Variants in ERC2 observed in about 807,000 individuals in gnomAD.
ERC2 encodes ERC protein 2.
ERC2 carries 42 observed loss-of-function variants against 114.8 expected under a neutral mutation model. The observed-to-expected ratio is 0.37, with a 90% confidence interval of 0.29 to 0.47. The LOEUF is 0.47. ERC2 is among the 20% of genes least tolerant of loss of function. The probability of loss-of-function intolerance (pLI) is 0.99; values close to 1 mark genes in which losing one functional copy is unlikely to be tolerated. For synonymous variants in ERC2, 454 were observed against 425.5 expected, an observed-to-expected ratio of 1.07 and a Z score of -0.82; for missense variants, 939 against 1,150.7, an observed-to-expected ratio of 0.82 and a Z score of 2.66.
chr3:56,003,023 T>C (rs956665157), intron 10 of ERC2: 2 of 1,098,344 alleles, frequency 1.8e-6, no homozygotes, highest in Non-Finnish European at 2.5e-6. Flanking sequence ...CTCCCCAGTA[T>C]GGCACACCGT....
At chr3:55,897,908 T>C (rs75547021) in intron 13 of ERC2, among the ~76,000 whole-genome samples, 3 of 152,290 alleles carry the variant, frequency 2.0e-5, no homozygotes, top group African/African-American at 4.8e-5. Context: ...TTTCTCCTCA[T>C]TGAAGTTTAA....
intron 6 of ERC2, among the ~76,000 whole-genome samples, chr3:56,134,619 A>G (rs2080389946): frequency 6.6e-6 from 1 of 151,956 alleles, no homozygotes; most frequent in South Asian, 2.1e-4. Context: ...TGTGTTGATT[A>G]TATTTTTTAG....
chr3:55,678,359 C>T (rs1186184447), intron 17 of ERC2, among the ~76,000 whole-genome samples: 1 of 152,120 alleles, frequency 6.6e-6, no homozygotes, highest in Non-Finnish European at 1.5e-5. Flanking sequence ...TCATGTTGTA[C>T]CCCTTAACTG....
At chr3:55,857,369 TCTCTCC>T (rs998341381) in intron 14 of ERC2, among the ~76,000 whole-genome samples, 2 of 152,128 alleles carry the variant, frequency 1.3e-5, no homozygotes, top group Admixed American at 6.5e-5. Context: ...TCTGTCTTTG[TCTCTCC>T]CTCTCCCTCT....
At position 56,299,841 on chromosome 3, in the gene ERC2, A is replaced by G. The variant is rs184168380; in HGVS notation, c.658-3406T>C. On this transcript the variant is annotated intron_variant, in intron 2 of 17. Coordinates refer to ENST00000288221, the MANE Select transcript of ERC2 (RefSeq NM_015576.3). ...AAACATCATGAATTGGGATGATCAC[A>G]AAGGAAATGATCTTTTCTGAGCATA... 1.3e-3 allele frequency among the ~76,000 whole-genome samples: 204 copies of G among 152,318 alleles called. 3 individuals carry two copies. The highest frequency in any genetic ancestry group is 4.5e-3 in the African/African-American group (185 of 41,562).
intron 17 of ERC2, among the ~76,000 whole-genome samples, chr3:55,616,109 C>T (rs889974986): frequency 6.6e-6 from 1 of 152,194 alleles, no homozygotes; most frequent in African/African-American, 2.4e-5. Flanking sequence ...TTAATCAGAA[C>T]CACATTACTC....
Position 56,027,099 on chromosome 3 carries a change from T to C in ERC2, c.1642-8068A>G, listed in dbSNP as rs112982883. 6.0e-3 allele frequency among the ~76,000 whole-genome samples: 918 copies of C among 152,386 alleles called. 6 individuals are homozygous for C. The highest frequency in any genetic ancestry group is 0.021 in the African/African-American group (864 of 41,594). ...CCTGTGGGATTGGCTTTTTTCACTCTGCATAATTCTCTGAAGATCCATCAA... is the reference window on the plus strand; with the variant it reads ...CCTGTGGGATTGGCTTTTTTCACTCCGCATAATTCTCTGAAGATCCATCAA... On this transcript the variant is annotated intron_variant, in intron 7 of 17. Transcript: ENST00000288221.
intron 14 of ERC2, among the ~76,000 whole-genome samples, chr3:55,750,059 C>A (rs931219931): frequency 2.6e-5 from 4 of 152,130 alleles, no homozygotes; most frequent in African/African-American, 9.7e-5. Context: ...GTCTTAATTT[C>A]TACCATTTTC....
At chr3:56,070,897 G>A (rs144380034) in intron 7 of ERC2, among the ~76,000 whole-genome samples, 10 of 152,080 alleles carry the variant, frequency 6.6e-5, no homozygotes, top group African/African-American at 1.7e-4. Flanking sequence ...TGCTATTCTC[G>A]CTTTGACTGG....
intron 17 of ERC2, among the ~76,000 whole-genome samples, chr3:55,600,926 G>T (rs2058372278): frequency 6.6e-6 from 1 of 152,378 alleles, no homozygotes; most frequent in South Asian, 2.1e-4. Context: ...TGTGGCATCT[G>T]GATGAGGAGC....
At chr3:56,101,845 G>C (rs1374835767) in intron 6 of ERC2, among the ~76,000 whole-genome samples, 3 of 152,112 alleles carry the variant, frequency 2.0e-5, no homozygotes, top group Non-Finnish European at 4.4e-5. Flanking sequence ...AATGTCAAGG[G>C]GTTTGTGCTC....
At chr3:55,605,043 C>T (rs536076435) in intron 17 of ERC2, among the ~76,000 whole-genome samples, 66 of 152,216 alleles carry the variant, frequency 4.3e-4, no homozygotes, top group African/African-American at 1.5e-3. Context: ...AGGCACTGCA[C>T]TTAGAGAACC....
intron 14 of ERC2, among the ~76,000 whole-genome samples, chr3:55,853,859 G>C (rs2061675414): frequency 6.6e-6 from 1 of 152,158 alleles, no homozygotes; most frequent in African/African-American, 2.4e-5. Context: ...GCACAACAAT[G>C]TGAATGTACT....
intron 15 of ERC2, among the ~76,000 whole-genome samples, chr3:55,714,693 A>ATGTGTG (rs1559539200): frequency 4.0e-5 from 5 of 123,594 alleles, no homozygotes; most frequent in Admixed American, 1.7e-4. Flanking sequence ...ATATATATAT[A>ATGTGTG]TATATATATA....
intron 7 of ERC2, among the ~76,000 whole-genome samples, chr3:56,027,091 T>C (rs1412927894): frequency 2.6e-5 from 4 of 152,246 alleles, no homozygotes; most frequent in Admixed American, 2.6e-4. Context: ...GATTGGCTTT[T>C]TTCACTCTGC....
At chr3:55,520,290 G>T (rs1236593227) in intron 17 of ERC2, among the ~76,000 whole-genome samples, 1 of 150,566 alleles carries the variant, frequency 6.6e-6, no homozygotes, top group Non-Finnish European at 1.5e-5. Context: ...AAAAAAATTA[G>T]CCGGGCATGG....
chr3:56,118,903 TGGGA>T (rs1291934172), intron 6 of ERC2, among the ~76,000 whole-genome samples: 29 of 152,180 alleles, frequency 1.9e-4, no homozygotes, highest in Admixed American at 7.8e-4. Context: ...CCCAAAGTGC[TGGGA>T]TTACAGGCTC....
At chr3:56,054,104 T>A (rs1445947706) in intron 7 of ERC2, among the ~76,000 whole-genome samples, 1 of 152,310 alleles carries the variant, frequency 6.6e-6, no homozygotes, top group East Asian at 1.9e-4. Flanking sequence ...ACCCATTTTG[T>A]TCTTAGGCTT....
intron 7 of ERC2, among the ~76,000 whole-genome samples, chr3:56,029,013 T>C (rs2074219122): frequency 6.6e-6 from 1 of 152,076 alleles, no homozygotes; most frequent in East Asian, 1.9e-4. Context: ...TTATTATGAA[T>C]GGGTATTGAA....
Sources: gnomAD v4.1 joint callset for allele counts (sites outside exome capture counted in the v4.1 genomes callset) on GRCh38, gnomAD v4.1.1 for gene constraint, MANE v1.5 for transcripts, NCBI Gene and HGNC (gene_info 2026-07-23, HGNC 2026-07-21) for gene names.